Variants in GBF1 observed in about 807,000 individuals in gnomAD.
GBF1 encodes Golgi-specific brefeldin A-resistance guanine nucleotide exchange factor 1.
Under a neutral mutation model 210.5 loss-of-function variants are expected in GBF1, and 114 were observed. That is an observed-to-expected ratio of 0.54 (90% CI 0.47 to 0.63). The LOEUF is 0.63. Among genes scored for constraint, GBF1 ranks in the 30% least tolerant of loss-of-function variants. The pLI, the probability that GBF1 is intolerant of heterozygous loss-of-function variation, is 0.00. For missense variants in GBF1, 1,851 were observed against 2,357.7 expected (o/e 0.79, Z 4.45); for synonymous variants, 850 against 889.2 (o/e 0.96, Z 0.78).
At chr10:102,240,520 G>A (rs1231433004), upstream of GBF1, among the ~76,000 whole-genome samples, 2 of 152,250 alleles carry the variant, frequency 1.3e-5, no homozygotes, top group East Asian at 3.8e-4. Flanking sequence ...CATCGCACAC[G>A]CAGCAGCTGG....
At chr10:102,234,641 C>T in the GBF1 span, among the ~76,000 whole-genome samples, 1 of 152,060 alleles carries the variant, frequency 6.6e-6, no homozygotes, top group Admixed American at 6.6e-5. Flanking sequence ...CCCCTTACTT[C>T]ATACCCCTTA....
Position 102,369,335 on chromosome 10 carries a change from A to T in GBF1, c.3098A>T (p.Glu1033Val). ...CGGGAGGGCTGGAAGAATATCATGG[A>T]GGCCATGCTGCAGCTCTTCCGAGCC... Reference protein sequence around the residue: ...ILREGWKNIMEAMLQLFRAQL... With the variant: ...ILREGWKNIMVAMLQLFRAQL... The change falls in exon 24 of 40, where the codon GAG becomes GTG. Residue 1033 changes from glutamate (E) to valine (V), a missense_variant. Glu to Val is a moderately radical substitution (Grantham distance 121). Coordinates refer to ENST00000369983, the MANE Select transcript of GBF1 (RefSeq NM_001377137.1). 1 of 1,613,878 alleles carries T rather than the reference A, an allele frequency of 6.2e-7. No individual in the cohort carries two copies. Among genetic ancestry groups the T allele is most frequent in the Non-Finnish European group, 8.5e-7 (1 of 1,179,736 alleles).
chr10:102,291,884 A>G (rs1470123828), intron 3 of GBF1, among the ~76,000 whole-genome samples: 1 of 136,964 alleles, frequency 7.3e-6, no homozygotes, highest in Non-Finnish European at 1.6e-5. Context: ...AACCCCTAGA[A>G]CTTTTCTTTT....
At chr10:102,267,718 G>A (rs1242283272) in intron 3 of GBF1, among the ~76,000 whole-genome samples, 1 of 152,178 alleles carries the variant, frequency 6.6e-6, no homozygotes, top group Non-Finnish European at 1.5e-5. Flanking sequence ...ATTGTTCAAG[G>A]CCTAAGTAGG....
chr10:102,284,906 G>A (rs944708345), intron 3 of GBF1, among the ~76,000 whole-genome samples: 4 of 151,546 alleles, frequency 2.6e-5, no homozygotes, highest in African/African-American at 9.7e-5. Context: ...CAGTTTTTCC[G>A]CATCCTTACC....
At chr10:102,306,698 A>C (rs1241106613) in intron 3 of GBF1, among the ~76,000 whole-genome samples, 1 of 152,244 alleles carries the variant, frequency 6.6e-6, no homozygotes, top group African/African-American at 2.4e-5. Flanking sequence ...TGCTGGGATT[A>C]CAGGCGTGAG....
At chr10:102,314,689 G>A (rs1219872133) in intron 3 of GBF1, among the ~76,000 whole-genome samples, 1 of 152,136 alleles carries the variant, frequency 6.6e-6, no homozygotes, top group African/African-American at 2.4e-5. Context: ...CCATATAACA[G>A]TTCTCTTCTC....
intron 8 of GBF1, among the ~76,000 whole-genome samples, chr10:102,353,945 A>T (rs1429077206): frequency 6.6e-6 from 1 of 152,212 alleles, no homozygotes; most frequent in Non-Finnish European, 1.5e-5. Context: ...CTGTTGACAA[A>T]GATGAAAGTC....
At position 102,382,372 on chromosome 10, in the gene GBF1, A is replaced by T. The variant is rs373711110; in HGVS notation, c.*36A>T. The T allele has an allele frequency of 9.2e-5, 142 of 1,540,468 alleles. No individual in the cohort carries two copies. Among genetic ancestry groups the T allele is most frequent in the Non-Finnish European group, 1.2e-4 (142 of 1,138,210 alleles). On this transcript the variant is annotated 3_prime_UTR_variant, in exon 40 of 40. Coordinates refer to ENST00000369983, the MANE Select transcript of GBF1 (RefSeq NM_001377137.1). ...TCAGAGATCAGGACCAGTGCTTCCC[A>T]CCAGGCTTTCCTTGACCCCACTTCT...
chr10:102,285,425 C>T (rs74459005), intron 3 of GBF1, among the ~76,000 whole-genome samples: 1,567 of 152,254 alleles, frequency 0.01, 23 homozygotes, highest in African/African-American at 0.036. Context: ...GCTATATAAA[C>T]TGAATTTGGA....
At position 102,366,792 on chromosome 10, in the gene GBF1, G is replaced by T. The variant is rs2059936414; in HGVS notation, c.2433+286G>T. ...AGTAGAGATGGGTTTTGCCATGTTG[G>T]TCAGGCTGGTCTCGAACTCCTGATC... On this transcript the variant is annotated intron_variant, in intron 19 of 39. Transcript: ENST00000369983. The surrounding 1 kb of genome is among the most constrained non-coding windows in gnomAD (Gnocchi z 4.0). Among the ~76,000 whole-genome samples, 1 of 151,960 alleles carries T rather than the reference G, an allele frequency of 6.6e-6. No homozygotes were observed. The highest frequency in any genetic ancestry group is 2.4e-5 in the African/African-American group (1 of 41,366).
chr10:102,242,802 G>A (rs1196804069), upstream of GBF1, among the ~76,000 whole-genome samples: 1 of 152,002 alleles, frequency 6.6e-6, no homozygotes, highest in African/African-American at 2.4e-5. Flanking sequence ...GGTGGCGGGT[G>A]CCTGTAGTCT....
At chr10:102,337,589 C>G (rs981330003) in intron 3 of GBF1, among the ~76,000 whole-genome samples, 6 of 152,104 alleles carry the variant, frequency 3.9e-5, no homozygotes, top group African/African-American at 7.2e-5. Flanking sequence ...TGGAGACTCA[C>G]GCCTGTAATC....
At chr10:102,292,477 C>T (rs550810536) in intron 3 of GBF1, among the ~76,000 whole-genome samples, 1 of 152,280 alleles carries the variant, frequency 6.6e-6, no homozygotes, top group East Asian at 1.9e-4. Flanking sequence ...AGCAATTCTG[C>T]TTCAGCCTCT....
intron 3 of GBF1, among the ~76,000 whole-genome samples, chr10:102,327,608 T>C (rs2057006020): frequency 6.6e-6 from 1 of 152,212 alleles, no homozygotes; most frequent in Non-Finnish European, 1.5e-5. Flanking sequence ...TTCTTATTTC[T>C]TTCTGGATTT....
At chr10:102,236,495 G>A in the GBF1 span, among the ~76,000 whole-genome samples, 1 of 152,308 alleles carries the variant, frequency 6.6e-6, no homozygotes, top group Admixed American at 6.5e-5. Flanking sequence ...GGCCCAGGGA[G>A]TACAGAGGGC....
At chr10:102,354,174 C>CT (rs1280329982) in intron 8 of GBF1, among the ~76,000 whole-genome samples, 1 of 152,172 alleles carries the variant, frequency 6.6e-6, no homozygotes, top group African/African-American at 2.4e-5. Context: ...AAGCCCTGGA[C>CT]TTCACGGGCC....
At chr10:102,380,469 C>T (rs765479706) in intron 37 of GBF1, 37 bp from the exon 38 acceptor site, 6 of 1,603,170 alleles carry the variant, frequency 3.7e-6, no homozygotes, top group Non-Finnish European at 5.1e-6. Context: ...CCCCCATGCC[C>T]TCTTTCCTAT....
At chr10:102,354,523 T>C (rs972549693) in intron 8 of GBF1, among the ~76,000 whole-genome samples, 8 of 152,174 alleles carry the variant, frequency 5.3e-5, no homozygotes, top group African/African-American at 1.9e-4. Flanking sequence ...GTTTATTTTT[T>C]ATATATAACA....
Sources: gnomAD v4.1 joint callset for allele counts (sites outside exome capture counted in the v4.1 genomes callset) on GRCh38, gnomAD v4.1.1 for gene constraint, Gnocchi (gnomAD v3.1) non-coding constraint, MANE v1.5 for transcripts, NCBI Gene and HGNC (gene_info 2026-07-23, HGNC 2026-07-21) for gene names.